RSRC1: variants seen among roughly 807,000 people sequenced by gnomAD.
The protein encoded by RSRC1 is arginine and serine rich coiled-coil 1, also known as serine/Arginine-related protein 53.
A neutral mutation model predicts 49.1 loss-of-function variants in RSRC1; 39 were observed. That is an observed-to-expected ratio of 0.79 (90% CI 0.61 to 1.04). The LOEUF (loss-of-function observed/expected upper bound fraction) is 1.04, where lower values mean the gene tolerates loss of function less well. Among genes scored for constraint, RSRC1 ranks in the 50% least tolerant of loss-of-function variants. The pLI is 0.00. For synonymous variants in RSRC1, 143 were observed against 130.8 expected (o/e 1.09, Z -0.63); for missense variants, 388 against 402.4 (o/e 0.96, Z 0.31).
intron 6 of RSRC1, among the ~76,000 whole-genome samples, chr3:158,417,852 C>T (rs911399614): frequency 3.3e-5 from 5 of 150,880 alleles, no homozygotes; most frequent in African/African-American, 1.2e-4. Context: ...TAAAAAAAAT[C>T]AGAAAAAAGG....
intron 7 of RSRC1, among the ~76,000 whole-genome samples, chr3:158,517,305 T>A (rs6792541): frequency 2.0e-5 from 3 of 152,180 alleles, no homozygotes; most frequent in Non-Finnish European, 4.4e-5. Flanking sequence ...AATCATCTTA[T>A]CTTTTTGTCT....
At chr3:158,186,478 G>A (rs1719937777) in intron 3 of RSRC1, among the ~76,000 whole-genome samples, 1 of 151,980 alleles carries the variant, frequency 6.6e-6, no homozygotes, top group Admixed American at 6.6e-5. Flanking sequence ...ACCAGGCACT[G>A]ATGGAATAAA....
chr3:158,273,287 A>C (rs1725622822), intron 4 of RSRC1, among the ~76,000 whole-genome samples: 1 of 152,078 alleles, frequency 6.6e-6, no homozygotes, highest in African/African-American at 2.4e-5. Flanking sequence ...CAAGGTAGTA[A>C]ACATACCTGG....
At chr3:158,496,083 T>G (rs1182917761) in intron 7 of RSRC1, among the ~76,000 whole-genome samples, 2 of 152,190 alleles carry the variant, frequency 1.3e-5, no homozygotes, top group Non-Finnish European at 2.9e-5. Context: ...CCTCTACTAC[T>G]CTTGCCTAGC....
intron 3 of RSRC1, among the ~76,000 whole-genome samples, chr3:158,146,703 G>A (rs1196951988): frequency 6.6e-6 from 1 of 152,128 alleles, no homozygotes; most frequent in Non-Finnish European, 1.5e-5. Flanking sequence ...CAGAAGGAAT[G>A]GTACCAGCTC....
intron 7 of RSRC1, among the ~76,000 whole-genome samples, chr3:158,488,274 C>A (rs1336287197): frequency 6.6e-6 from 1 of 151,960 alleles, no homozygotes; most frequent in African/African-American, 2.4e-5. Flanking sequence ...ATAAAAAATT[C>A]TAAATAATAG....
chr3:158,231,137 C>CTTTTTTT (rs35368661), intron 4 of RSRC1, among the ~76,000 whole-genome samples: 10 of 67,948 alleles, frequency 1.5e-4, no homozygotes, highest in Admixed American at 2.3e-4. Context: ...TAGTCGTTAG[C>CTTTTTTT]TTTTTTTTTT....
chr3:158,536,879 G>T (rs1163056252), intron 7 of RSRC1, among the ~76,000 whole-genome samples: 1 of 151,530 alleles, frequency 6.6e-6, no homozygotes, highest in Non-Finnish European at 1.5e-5. Flanking sequence ...TTAAGGCAGT[G>T]CCTTCTTAGC....
At chr3:158,534,072 A>T (rs1712578586) in intron 7 of RSRC1, among the ~76,000 whole-genome samples, 1 of 151,560 alleles carries the variant, frequency 6.6e-6, no homozygotes, top group South Asian at 2.1e-4. Flanking sequence ...CAAAGGTGGG[A>T]GTATTGGCTG....
intron 4 of RSRC1, among the ~76,000 whole-genome samples, chr3:158,231,853 C>T (rs1247058129): frequency 1.3e-5 from 2 of 152,110 alleles, no homozygotes; most frequent in African/African-American, 4.8e-5. Flanking sequence ...GAGTCTATTA[C>T]TTTACCGTAC....
intron 6 of RSRC1, among the ~76,000 whole-genome samples, chr3:158,398,841 C>T (rs1452810446): frequency 1.3e-5 from 2 of 152,048 alleles, no homozygotes; most frequent in Non-Finnish European, 1.5e-5. Flanking sequence ...AGCAAGTATT[C>T]AGTACATTTG....
At chr3:158,374,385 G>A (rs950098826) in intron 6 of RSRC1, among the ~76,000 whole-genome samples, 18 of 152,182 alleles carry the variant, frequency 1.2e-4, no homozygotes, top group South Asian at 8.3e-4. Context: ...ATGAGAGGAC[G>A]GGAGAGGAAG....
chr3:158,361,329 C>T (rs1429443658), intron 6 of RSRC1, among the ~76,000 whole-genome samples: 1 of 152,202 alleles, frequency 6.6e-6, no homozygotes, highest in Non-Finnish European at 1.5e-5. Context: ...CTCCTGCACC[C>T]TCCTTCCCTG....
At chr3:158,491,671 T>C (rs1473764146) in intron 7 of RSRC1, among the ~76,000 whole-genome samples, 6 of 152,226 alleles carry the variant, frequency 3.9e-5, no homozygotes, top group Non-Finnish European at 8.8e-5. Flanking sequence ...TTTATGGACA[T>C]GTGTTTGATT....
At position 158,322,800 on chromosome 3, in the gene RSRC1, G is replaced by GT. The variant is rs11324823; in HGVS notation, c.531+24733dup. 5.9e-5 allele frequency among the ~76,000 whole-genome samples: 9 copies of GT among 151,622 alleles called. No individual in the cohort carries two copies. In the South Asian group the frequency reaches 6.3e-4, roughly 11 times the overall value. ...AAGGCTCTGTTCATTTTCCTTCAATGTTTTTTTTCTCTTTGTTTTCTGCTT... is the reference window on the plus strand; with the variant it reads ...AAGGCTCTGTTCATTTTCCTTCAATGTTTTTTTTTCTCTTTGTTTTCTGCTT... On this transcript the variant is annotated intron_variant, in intron 5 of 9. Coordinates refer to ENST00000611884, the MANE Select transcript of RSRC1 (RefSeq NM_001271838.2).
At chr3:158,436,104 T>C (rs1422206778) in intron 6 of RSRC1, among the ~76,000 whole-genome samples, 1 of 151,918 alleles carries the variant, frequency 6.6e-6, no homozygotes, top group African/African-American at 2.4e-5. Flanking sequence ...TTTACTTTAG[T>C]TCAATAAACA....
chr3:158,489,334 G>A (rs1202988913), intron 7 of RSRC1, among the ~76,000 whole-genome samples: 1 of 152,118 alleles, frequency 6.6e-6, no homozygotes, highest in Non-Finnish European at 1.5e-5. Flanking sequence ...GTTCTTCCAA[G>A]TCCACCCTTT....
intron 3 of RSRC1, among the ~76,000 whole-genome samples, chr3:158,180,962 G>A (rs1341695729): frequency 2.0e-5 from 3 of 151,576 alleles, no homozygotes; most frequent in South Asian, 2.1e-4. Context: ...CCACCACCAC[G>A]CCCGGCTAAT....
At chr3:158,133,095 T>C (rs1293526168) in intron 3 of RSRC1, among the ~76,000 whole-genome samples, 1 of 152,164 alleles carries the variant, frequency 6.6e-6, no homozygotes, top group Non-Finnish European at 1.5e-5. Flanking sequence ...TGTGAATGTA[T>C]TGAATGTCCC....
Sources: allele counts gnomAD v4.1 joint callset (sites outside exome capture counted in the v4.1 genomes callset), GRCh38; gene constraint gnomAD v4.1.1; transcripts MANE v1.5; gene names NCBI Gene and HGNC (gene_info 2026-07-23, HGNC 2026-07-21).